Variants in UBE3A observed in about 807,000 individuals in gnomAD.
The protein encoded by UBE3A is ubiquitin-protein ligase E3A.
A neutral mutation model predicts 83.4 loss-of-function variants in UBE3A; 6 were observed. The ratio of observed to expected loss-of-function variants is 0.07; its 90% CI spans 0.04 to 0.14. The LOEUF is 0.14. Ranked by LOEUF, UBE3A falls within the 10% of genes least tolerant of loss-of-function variation. UBE3A has a pLI of 1.00. For synonymous variants in UBE3A, 337 were observed against 355.4 expected (o/e 0.95, Z 0.58); for missense variants, 456 against 1,036.1 (o/e 0.44, Z 7.69).
At chr15:25,390,416 A>AT (rs1367176300) in intron 4 of UBE3A, among the ~76,000 whole-genome samples, 4 of 152,236 alleles carry the variant, frequency 2.6e-5, no homozygotes, top group African/African-American at 9.6e-5. Flanking sequence ...TTAGGTGAAT[A>AT]TTCATTCACA....
intron 11 of UBE3A, among the ~76,000 whole-genome samples, chr15:25,347,826 G>GAAAC (rs1245186820): frequency 3.9e-5 from 6 of 152,120 alleles, no homozygotes; most frequent in Admixed American, 2.0e-4. Flanking sequence ...ACAGAAGACA[G>GAAAC]AAACAGAAAA....
At chr15:25,433,975 TGGGA>T (rs1220887283) in intron 1 of UBE3A, among the ~76,000 whole-genome samples, 1 of 152,136 alleles carries the variant, frequency 6.6e-6, no homozygotes, top group Admixed American at 6.5e-5. Context: ...GAGGGTGAGA[TGGGA>T]GGATCACTCC....
intron 6 of UBE3A, among the ~76,000 whole-genome samples, chr15:25,361,344 T>C (rs1221888828): frequency 1.3e-5 from 2 of 152,126 alleles, no homozygotes; most frequent in South Asian, 2.1e-4. Flanking sequence ...CAGGATGGTC[T>C]TGAACTCCTG....
At chr15:25,432,598 A>G (rs1357121389) in intron 1 of UBE3A, among the ~76,000 whole-genome samples, 1 of 152,204 alleles carries the variant, frequency 6.6e-6, no homozygotes. Context: ...CCTGCATGCT[A>G]CGAAGACATG....
At chr15:25,351,429 C>T (rs2076487948) in intron 11 of UBE3A, among the ~76,000 whole-genome samples, 1 of 152,174 alleles carries the variant, frequency 6.6e-6, no homozygotes, top group Admixed American at 6.5e-5. Flanking sequence ...TTCCTACAAA[C>T]CAACATCTAT....
At chr15:25,424,267 C>T (rs1370501042) in intron 1 of UBE3A, among the ~76,000 whole-genome samples, 1 of 152,112 alleles carries the variant, frequency 6.6e-6, no homozygotes, top group Non-Finnish European at 1.5e-5. Context: ...TTGGGGTTTC[C>T]CTATTCACTA....
chr15:25,393,261 C>T (rs11161173), intron 4 of UBE3A, among the ~76,000 whole-genome samples: 147,811 of 152,292 alleles, frequency 0.97, 71,882 homozygotes, highest in East Asian at 1. Flanking sequence ...CTGGAAGAGC[C>T]AGAGGTAATG....
chr15:25,346,768 G>A (rs1425703694), intron 11 of UBE3A: 1 of 152,142 alleles, frequency 6.6e-6, no homozygotes, highest in East Asian at 1.9e-4. Flanking sequence ...ACAGTAGAGT[G>A]AAGATGACAA....
At chr15:25,406,223 G>T (rs2088497648) in intron 3 of UBE3A, among the ~76,000 whole-genome samples, 1 of 152,168 alleles carries the variant, frequency 6.6e-6, no homozygotes, top group African/African-American at 2.4e-5. Context: ...TTCTAATGAT[G>T]ATTATCTTGG....
intron 4 of UBE3A, among the ~76,000 whole-genome samples, chr15:25,403,796 T>C (rs1403151664): frequency 2.0e-5 from 3 of 152,238 alleles, no homozygotes; most frequent in Admixed American, 6.5e-5. Context: ...TTTTGAAACA[T>C]GCTAAAGATG....
rs2073978514 is a variant in UBE3A, at chr15:25,336,697, T to C, written c.*2440A>G. The C allele has an allele frequency of 6.6e-6, 1 of 152,158 alleles. No individual in the cohort carries two copies. The highest frequency in any genetic ancestry group is 2.1e-4 in the South Asian group (1 of 4,826). 9.4% of individuals were successfully genotyped at this position (152,158 alleles called of 1,614,324 possible). On this transcript the variant is annotated 3_prime_UTR_variant, in exon 13 of 13. Coordinates refer to ENST00000648336, the MANE Select transcript of UBE3A (RefSeq NM_130839.5). Reference sequence around the variant, plus strand: ...TTGGCTGCAGGCTGTTTTCATGTTTTATGTATGTTTGAAATGTTCTATAAT... The same window carrying C: ...TTGGCTGCAGGCTGTTTTCATGTTTCATGTATGTTTGAAATGTTCTATAAT...
chr15:25,425,505 T>G (rs1437095048), intron 1 of UBE3A, among the ~76,000 whole-genome samples: 5 of 152,288 alleles, frequency 3.3e-5, no homozygotes, highest in African/African-American at 9.6e-5. Flanking sequence ...AGGATTTTTT[T>G]TAAATACTGC....
intron 1 of UBE3A, chr15:25,418,283 C>T (rs1053726048): frequency 6.6e-6 from 1 of 152,050 alleles, no homozygotes; most frequent in Non-Finnish European, 1.5e-5. Context: ...AAGAAAAACA[C>T]ATCAACTAAC....
At chr15:25,433,704 T>C (rs1894170381) in intron 1 of UBE3A, among the ~76,000 whole-genome samples, 1 of 152,156 alleles carries the variant, frequency 6.6e-6, no homozygotes, top group African/African-American at 2.4e-5. Flanking sequence ...CTTAAAATTT[T>C]ATAAATAATT....
At chr15:25,397,426 T>C (rs2085840479) in intron 4 of UBE3A, among the ~76,000 whole-genome samples, 1 of 152,158 alleles carries the variant, frequency 6.6e-6, no homozygotes, top group Non-Finnish European at 1.5e-5. Context: ...CATTCTAAAC[T>C]TGACTCATCC....
intron 6 of UBE3A, among the ~76,000 whole-genome samples, chr15:25,368,129 A>C (rs1205884469): frequency 6.6e-6 from 1 of 152,172 alleles, no homozygotes; most frequent in African/African-American, 2.4e-5. Flanking sequence ...ATATATAAGA[A>C]TGAGGCTTAA....
At chr15:25,415,849 G>GAAAAAAAA (rs57736236) in intron 1 of UBE3A, 4 of 111,176 alleles carry the variant, frequency 3.6e-5, no homozygotes, top group Non-Finnish European at 5.2e-5. Flanking sequence ...CCCTCTACAA[G>GAAAAAAAA]AAAAAAAAAA....
intron 4 of UBE3A, among the ~76,000 whole-genome samples, chr15:25,385,612 A>G (rs1000418536): frequency 6.6e-6 from 1 of 152,146 alleles, no homozygotes; most frequent in Non-Finnish European, 1.5e-5. Flanking sequence ...CTCCATCCTA[A>G]CAACAAGTAA....
intron 8 of UBE3A, 115 bp from the exon 9 acceptor site, chr15:25,356,171 G>A (rs1469080434): frequency 1.5e-6 from 2 of 1,297,622 alleles, no homozygotes; most frequent in Admixed American, 1.7e-5. Flanking sequence ...ATTGTAAAAA[G>A]TGTAGACAGT....
Sources: gnomAD v4.1 joint callset for allele counts (sites outside exome capture counted in the v4.1 genomes callset) on GRCh38, gnomAD v4.1.1 for gene constraint, MANE v1.5 for transcripts, NCBI Gene and HGNC (gene_info 2026-07-23, HGNC 2026-07-21) for gene names.